EPHB2: variants seen among roughly 807,000 people sequenced by gnomAD.
The protein encoded by EPHB2 is ephrin type-B receptor 2.
Under a neutral mutation model 96.4 loss-of-function variants are expected in EPHB2, and 18 were observed. The ratio of observed to expected loss-of-function variants is 0.19; its 90% CI spans 0.13 to 0.28. The LOEUF (loss-of-function observed/expected upper bound fraction) is 0.28, where lower values mean the gene tolerates loss of function less well. Among genes scored for constraint, EPHB2 ranks in the 10% least tolerant of loss-of-function variants. EPHB2 has a pLI of 1.00. For missense variants in EPHB2, 989 were observed against 1,355.4 expected (o/e 0.73, Z 4.25); for synonymous variants, 506 against 534.1 (o/e 0.95, Z 0.72).
intron 9 of EPHB2, among the ~76,000 whole-genome samples, chr1:22,897,176 C>A (rs1394663438): frequency 6.6e-6 from 1 of 152,194 alleles, no homozygotes; most frequent in Non-Finnish European, 1.5e-5. Context: ...GCCACACACA[C>A]AGAGATGTCC....
At chr1:22,871,066 C>G (rs1286004760) in intron 5 of EPHB2, among the ~76,000 whole-genome samples, 1 of 152,180 alleles carries the variant, frequency 6.6e-6, no homozygotes, top group Non-Finnish European at 1.5e-5. Context: ...TGCCAGGCAC[C>G]GTGCTAAGCC....
chr1:22,793,355 A>G (rs1301310316), intron 3 of EPHB2, among the ~76,000 whole-genome samples: 1 of 152,098 alleles, frequency 6.6e-6, no homozygotes, highest in African/African-American at 2.4e-5. Flanking sequence ...AGAGAGCTCT[A>G]TCCATAACTA....
rs2124170627 is a variant in EPHB2, at chr1:22,917,272, C to G, written c.*3702C>G. On this transcript the variant is annotated 3_prime_UTR_variant, in exon 16 of 16. Transcript: ENST00000374630. ...TCTCCAAAAGGCTGGGAGCTCCCGC[C>G]CTGCCCAGTTAATCCTCCTGCCTCA... The G allele has an allele frequency of 6.6e-6, 1 of 152,446 alleles. No homozygotes were observed. Among genetic ancestry groups the G allele is most frequent in the Admixed American group, 6.5e-5 (1 of 15,310 alleles). The allele number at this position is 152,446 out of a possible 1,614,324, so 9.4% of individuals were successfully genotyped here.
chr1:22,788,172 A>T (rs933037418), intron 3 of EPHB2, among the ~76,000 whole-genome samples: 1 of 152,222 alleles, frequency 6.6e-6, no homozygotes, highest in African/African-American at 2.4e-5. Context: ...AGGTGGGATC[A>T]TGGGGCCATG....
Position 22,912,343 on chromosome 1 carries a change from C to T in EPHB2, c.2697-101C>T, listed in dbSNP as rs377151409. The T allele has an allele frequency of 6.6e-6, 10 of 1,515,990 alleles. No homozygotes were observed. In the African/African-American group the frequency reaches 9.6e-5, roughly 14 times the overall value. The allele number at this position is 1,515,990 out of a possible 1,614,324, so 93.9% of individuals were successfully genotyped here. A position where few individuals can be genotyped will look rare whatever the true frequency, so the allele number is the denominator to read the frequency against. ...TCACCTGTGTTCACATAAATGGATG[C>T]ACACGTGCACATTCACGCATACGCA... On this transcript the variant is annotated intron_variant, in intron 14 of 15. Transcript: ENST00000374630.
rs1427523197 is a variant in EPHB2, at chr1:22,710,977, G to A, written c.-6G>A. 1 of 158,026 alleles carries A rather than the reference G, an allele frequency of 6.3e-6. No individual in the cohort carries two copies. Among genetic ancestry groups the A allele is most frequent in the Non-Finnish European group, 1.4e-5 (1 of 71,328 alleles). 9.8% of individuals were successfully genotyped at this position (158,026 alleles called of 1,614,324 possible). On this transcript the variant is annotated 5_prime_UTR_variant, in exon 1 of 16. Transcript: ENST00000374630. ...GCCGCGGCCCGAGGCCCCGGGAAGC[G>A]CAGCCATGGCTCTGCGGAGGCTGGG...
chr1:22,774,510 C>T (rs1409342913), intron 1 of EPHB2: 1 of 946,728 alleles, frequency 1.1e-6, no homozygotes, highest in Non-Finnish European at 1.3e-6. Context: ...GCAAGAAGGG[C>T]CAGGCGTTCC....
chr1:22,745,425 G>T (rs530704822), intron 1 of EPHB2, among the ~76,000 whole-genome samples: 1 of 152,318 alleles, frequency 6.6e-6, no homozygotes. Context: ...AGTCAGGATC[G>T]CGATTGCCTA....
intron 1 of EPHB2, among the ~76,000 whole-genome samples, chr1:22,759,850 C>A (rs747185878): frequency 6.6e-6 from 1 of 152,184 alleles, no homozygotes; most frequent in Non-Finnish European, 1.5e-5. Context: ...CTCACCACAG[C>A]CACACCCACT....
intron 4 of EPHB2, among the ~76,000 whole-genome samples, chr1:22,864,132 A>G (rs563664101): frequency 1.4e-5 from 2 of 142,694 alleles, no homozygotes; most frequent in South Asian, 4.3e-4. Context: ...GGCAACTTCC[A>G]CCTCCCGGGT....
chr1:22,730,493 A>G (rs1302961648), intron 1 of EPHB2, among the ~76,000 whole-genome samples: 1 of 152,172 alleles, frequency 6.6e-6, no homozygotes, highest in African/African-American at 2.4e-5. Context: ...CCAGATATCT[A>G]GTGAGTAGCT....
At chr1:22,912,822 C>T in intron 15 of EPHB2, 1 of 606,562 alleles carries the variant, frequency 1.6e-6, no homozygotes, top group East Asian at 3.2e-5. Flanking sequence ...GCACCTCCCT[C>T]AGCCTCCGTT....
intron 5 of EPHB2, among the ~76,000 whole-genome samples, chr1:22,877,049 A>G (rs151145830): frequency 1.4e-3 from 213 of 152,280 alleles, no homozygotes; most frequent in African/African-American, 4.3e-3. Context: ...AGCGGGAACC[A>G]GGCGGGGTTA....
rs1640392555 is a variant in EPHB2, at chr1:22,921,360, T to A, written c.*7790T>A. 6.6e-6 allele frequency: 1 copy of A among 152,160 alleles called. No individual in the cohort carries two copies. Among genetic ancestry groups the A allele is most frequent in the African/African-American group, 2.4e-5 (1 of 41,434 alleles). The allele number at this position is 152,160 out of a possible 1,614,324, so 9.4% of individuals were successfully genotyped here. ...ACCGCCGTGGGTCAGACCTGGCTCC[T>A]CCGGACCCCACTGCTGTGACCAAGG... On this transcript the variant is annotated 3_prime_UTR_variant, in exon 16 of 16. Transcript: ENST00000374630.
chr1:22,913,029 C>A lies in EPHB2; in HGVS notation c.2852+430C>A. 2.9e-6 allele frequency: 1 copy of A among 349,804 alleles called. No homozygotes were observed. The highest frequency in any genetic ancestry group is 5.6e-6 in the Non-Finnish European group (1 of 179,572). The allele number at this position is 349,804 out of a possible 1,614,324, so 21.7% of individuals were successfully genotyped here. On this transcript the variant is annotated intron_variant, in intron 15 of 15. Coordinates refer to ENST00000374630, the MANE Select transcript of EPHB2 (RefSeq NM_017449.5). This position sits in a 1 kb window ranked among gnomAD's most constrained non-coding sequence, Gnocchi z 4.1. ...CCAACATGGTGAAACCCCGTCTCTA[C>A]TAAAATGCAAAAAATTAGCCACGCA...
At chr1:22,904,706 C>T (rs1380504908) in intron 9 of EPHB2, among the ~76,000 whole-genome samples, 1 of 152,240 alleles carries the variant, frequency 6.6e-6, no homozygotes, top group African/African-American at 2.4e-5. Context: ...ATAACAGCCA[C>T]AGGCAAAGGA....
intron 1 of EPHB2, among the ~76,000 whole-genome samples, chr1:22,735,266 C>T (rs531630386): frequency 6.6e-6 from 1 of 151,870 alleles, no homozygotes; most frequent in East Asian, 1.9e-4. Context: ...AGTGTGACCC[C>T]ATCTCTACTA....
chr1:22,727,422 G>A (rs896894506), intron 1 of EPHB2, among the ~76,000 whole-genome samples: 2 of 152,196 alleles, frequency 1.3e-5, no homozygotes, highest in African/African-American at 2.4e-5. Flanking sequence ...GGGCTCCTCC[G>A]CATCCTGTCC....
At chr1:22,788,465 G>A (rs954595040) in intron 3 of EPHB2, among the ~76,000 whole-genome samples, 1 of 152,252 alleles carries the variant, frequency 6.6e-6, no homozygotes, top group African/African-American at 2.4e-5. Context: ...TCACCCAGAT[G>A]TGAGGCTGCT....
Sources: allele counts gnomAD v4.1 joint callset (sites outside exome capture counted in the v4.1 genomes callset), GRCh38; gene constraint gnomAD v4.1.1; non-coding constraint Gnocchi (gnomAD v3.1); transcripts MANE v1.5; gene names NCBI Gene and HGNC (gene_info 2026-07-23, HGNC 2026-07-21).